CROT: variants seen among roughly 807,000 people sequenced by gnomAD.
The protein encoded by CROT is peroxisomal carnitine O-octanoyltransferase.
CROT carries 84 observed loss-of-function variants against 89.2 expected under a neutral mutation model. That is an observed-to-expected ratio of 0.94 (90% confidence interval 0.79 to 1.13). The LOEUF (loss-of-function observed/expected upper bound fraction) is 1.13, where lower values mean the gene tolerates loss of function less well. Among genes scored for constraint, CROT ranks in the 50% most tolerant of loss-of-function variants. The probability of loss-of-function intolerance (pLI) is 0.00; values close to 1 mark genes in which losing one functional copy is unlikely to be tolerated. For missense variants in CROT, 711 were observed against 727.8 expected, an observed-to-expected ratio of 0.98 and a Z score of 0.27; for synonymous variants, 212 against 239.5, an observed-to-expected ratio of 0.89 and a Z score of 1.06.
chr7:87,382,004 A>G lies in CROT; in HGVS notation c.1062+11A>G. On this transcript the variant is annotated intron_variant, in intron 11 of 17. Coordinates refer to ENST00000331536, the MANE Select transcript of CROT (RefSeq NM_021151.4). Reference sequence around the variant, plus strand: ...GAAGGAAGATGGAAGGTATGTTTGAATAAATATTTCATCTTTTTTCTCCTA... The same window carrying G: ...GAAGGAAGATGGAAGGTATGTTTGAGTAAATATTTCATCTTTTTTCTCCTA... The G allele has an allele frequency of 6.3e-7, 1 of 1,593,724 alleles. No homozygotes were observed. The highest frequency in any genetic ancestry group is 8.6e-7 in the Non-Finnish European group (1 of 1,164,418).
chr7:87,378,314 T>A (rs1205259377), intron 10 of CROT, among the ~76,000 whole-genome samples: 1 of 138,934 alleles, frequency 7.2e-6, no homozygotes, highest in Non-Finnish European at 1.5e-5. Context: ...CCAGTGCACT[T>A]CAGCCTGGGA....
intron 3 of CROT, among the ~76,000 whole-genome samples, chr7:87,353,154 T>TA (rs1584618574): frequency 1.3e-4 from 19 of 151,226 alleles, no homozygotes; most frequent in Admixed American, 3.3e-4. Context: ...CTTTTATTTT[T>TA]CTTTTTTTTT....
At chr7:87,354,882 A>G (rs903560304) in intron 3 of CROT, among the ~76,000 whole-genome samples, 1 of 152,188 alleles carries the variant, frequency 6.6e-6, no homozygotes, top group Non-Finnish European at 1.5e-5. Flanking sequence ...ACTGTAACCA[A>G]TTTAATCACA....
chr7:87,357,939 G>C lies in CROT; in HGVS notation c.116-1267G>C, dbSNP rs192042310. 1.1e-4 allele frequency among the ~76,000 whole-genome samples: 16 copies of C among 152,226 alleles called. No individual in the cohort carries two copies. In the East Asian group the frequency reaches 3.1e-3, roughly 29 times the overall value. On this transcript the variant is annotated intron_variant, in intron 3 of 17. Coordinates refer to ENST00000331536, the MANE Select transcript of CROT (RefSeq NM_021151.4). ...GAGTGTGTCCTTGTAGGTATCTGTA[G>C]GCTGTTCACTCAACTGTAAATATCT... is the stretch of plus-strand genomic sequence containing the variant.
intron 17 of CROT, among the ~76,000 whole-genome samples, chr7:87,394,388 G>T (rs1383832129): frequency 6.6e-6 from 1 of 152,082 alleles, no homozygotes; most frequent in Non-Finnish European, 1.5e-5. Flanking sequence ...AATACCATGG[G>T]ACCCACATGT....
intron 3 of CROT, among the ~76,000 whole-genome samples, chr7:87,355,405 T>C (rs1806031638): frequency 6.6e-6 from 1 of 152,172 alleles, no homozygotes; most frequent in African/African-American, 2.4e-5. Context: ...CGGCCAAAAG[T>C]ACATTTTTAT....
chr7:87,366,672 C>T (rs1806459430), intron 6 of CROT, among the ~76,000 whole-genome samples: 1 of 152,186 alleles, frequency 6.6e-6, no homozygotes, highest in South Asian at 2.1e-4. Flanking sequence ...CCCGTCTTCA[C>T]TTCTTTCTGG....
rs191273494 is a variant in CROT, at chr7:87,384,290, G to A, written c.1301+1747G>A. 3.8e-3 allele frequency among the ~76,000 whole-genome samples: 583 copies of A among 152,260 alleles called. 2 individuals are homozygous for A. The highest frequency in any genetic ancestry group is 6.8e-3 in the Middle Eastern group (2 of 294). ...CTCACACCTGTAGTCCCAGCAATTTGGGAGGCCGAGGTGGGCAGATCACCT... is the reference window on the plus strand; with the variant it reads ...CTCACACCTGTAGTCCCAGCAATTTAGGAGGCCGAGGTGGGCAGATCACCT... On this transcript the variant is annotated intron_variant, in intron 13 of 17. Coordinates refer to ENST00000331536, the MANE Select transcript of CROT (RefSeq NM_021151.4).
intron 10 of CROT, among the ~76,000 whole-genome samples, chr7:87,380,715 GAAT>G (rs1193961047): frequency 3.9e-5 from 6 of 152,200 alleles, no homozygotes. Context: ...TGGGTGCTTA[GAAT>G]TATAGCTCAA....
chr7:87,361,310 G>C, intron 4 of CROT, 80 bp from the exon 5 acceptor site: 1 of 1,322,830 alleles, frequency 7.6e-7, no homozygotes, highest in African/African-American at 1.5e-5. Flanking sequence ...AACAAATATA[G>C]CTTGCTTTTT....
rs1298891348 is a variant in CROT, at chr7:87,382,504, A to T, written c.1262A>T (p.Gln421Leu). Residue 421 changes from glutamine to leucine, a missense_variant, in exon 13 of 18, where the codon CAG becomes CTG. Coordinates refer to ENST00000331536, the MANE Select transcript of CROT (RefSeq NM_021151.4). ...NKMLHPDTFI[Q>L]LALQLAYYRL... ...ATGCTTCACCCGGATACGTTTATTC[A>T]GCTTGCACTTCAGCTGGCCTATTAC... The T allele has an allele frequency of 6.2e-7, 1 of 1,613,916 alleles. No individual in the cohort carries two copies. Among genetic ancestry groups the T allele is most frequent in the Non-Finnish European group, 8.5e-7 (1 of 1,179,870 alleles).
intron 3 of CROT, among the ~76,000 whole-genome samples, chr7:87,356,308 A>G (rs980544156): frequency 2.0e-5 from 3 of 152,204 alleles, no homozygotes; most frequent in Non-Finnish European, 4.4e-5. Flanking sequence ...TGGGTAAAGT[A>G]GTCTTCATGA....
At chr7:87,351,308 C>CAAAAAAAAAA (rs11295263) in intron 3 of CROT, among the ~76,000 whole-genome samples, 6 of 67,520 alleles carry the variant, frequency 8.9e-5, no homozygotes, top group South Asian at 6.4e-4. Flanking sequence ...GACTCCATCT[C>CAAAAAAAAAA]AAAAAAAAAA....
chr7:87,387,025 G>A lies in CROT; in HGVS notation c.1301+4482G>A, dbSNP rs533565820. Reference sequence around the variant, plus strand: ...AGTCCATGGGAGTTTTTCCACATGCGGCCTGGCAGCTTGAGGGCGGGGTGT... The same window carrying A: ...AGTCCATGGGAGTTTTTCCACATGCAGCCTGGCAGCTTGAGGGCGGGGTGT... On this transcript the variant is annotated intron_variant, in intron 13 of 17. Coordinates refer to ENST00000331536, the MANE Select transcript of CROT (RefSeq NM_021151.4). Among the ~76,000 whole-genome samples, 16 of 152,032 alleles carry A rather than the reference G, an allele frequency of 1.1e-4. No homozygotes were observed. In the South Asian group the frequency reaches 1.5e-3, roughly 14 times the overall value.
At chr7:87,366,231 C>T (rs759160196) in intron 6 of CROT, among the ~76,000 whole-genome samples, 25 of 150,696 alleles carry the variant, frequency 1.7e-4, no homozygotes, top group Admixed American at 1.4e-3. Context: ...CCTGTACCCT[C>T]GCAAGGGGGA....
At chr7:87,392,873 G>A (rs376976019) in intron 16 of CROT, 50 bp downstream of exon 16, 43 of 1,608,794 alleles carry the variant, frequency 2.7e-5, no homozygotes, top group East Asian at 2.5e-4. Flanking sequence ...TCCTCTTTTT[G>A]TATATTAAAT....
chr7:87,375,393 T>A (rs1584636815), intron 7 of CROT: 1 of 436,200 alleles, frequency 2.3e-6, no homozygotes, highest in Non-Finnish European at 4.1e-6. Context: ...AAACTAAATT[T>A]AGCCAATAAC....
chr7:87,371,655 T>C (rs990465333), intron 7 of CROT, among the ~76,000 whole-genome samples: 15 of 152,172 alleles, frequency 9.9e-5, no homozygotes, highest in African/African-American at 2.9e-4. Flanking sequence ...GGACACCCAC[T>C]TCTCCTAATC....
intron 7 of CROT, among the ~76,000 whole-genome samples, chr7:87,371,697 A>G (rs1461055819): frequency 1.3e-5 from 2 of 152,126 alleles, no homozygotes; most frequent in Non-Finnish European, 2.9e-5. Flanking sequence ...AACTTAAAAC[A>G]TATCTGGTGA....
Sources: gnomAD v4.1 joint callset for allele counts (sites outside exome capture counted in the v4.1 genomes callset) on GRCh38, gnomAD v4.1.1 for gene constraint, MANE v1.5 for transcripts, NCBI Gene and HGNC (gene_info 2026-07-23, HGNC 2026-07-21) for gene names.